The following ZSWIM6 variants were observed in gnomAD, a reference collection of about 807,000 sequenced individuals.
ZSWIM6 encodes the protein zinc finger SWIM domain-containing protein 6.
In ZSWIM6, 9 loss-of-function variants were observed where a neutral mutation model predicts 113.2. That is an observed-to-expected ratio of 0.08 (90% CI 0.05 to 0.14). The LOEUF is 0.14. Among genes scored for constraint, ZSWIM6 ranks in the 10% least tolerant of loss-of-function variants. ZSWIM6 has a pLI of 1.00. For synonymous variants in ZSWIM6, 611 were observed against 606.5 expected, an observed-to-expected ratio of 1.01 and a Z score of -0.11; for missense variants, 1,162 against 1,552.2, an observed-to-expected ratio of 0.75 and a Z score of 4.22.
intron 4 of ZSWIM6, among the ~76,000 whole-genome samples, chr5:61,510,034 C>T (rs995572366): frequency 2.0e-5 from 3 of 151,782 alleles, no homozygotes; most frequent in African/African-American, 4.8e-5. Context: ...GTCTAAACAA[C>T]CCGATGAGGT....
intron 1 of ZSWIM6, among the ~76,000 whole-genome samples, chr5:61,336,318 G>A (rs574812287): frequency 1.3e-5 from 2 of 152,256 alleles, no homozygotes; most frequent in South Asian, 4.1e-4. Flanking sequence ...CTCTATAGGT[G>A]CTGGTATATA....
At chr5:61,539,087 G>C (rs893459079) in intron 11 of ZSWIM6, 116 bp downstream of exon 11, 1 of 1,190,700 alleles carries the variant, frequency 8.4e-7, no homozygotes, top group Non-Finnish European at 1.1e-6. Flanking sequence ...TAGGTTGAAG[G>C]GATCTTTTTC....
At chr5:61,442,839 A>C (rs563248711) in intron 1 of ZSWIM6, among the ~76,000 whole-genome samples, 1 of 152,342 alleles carries the variant, frequency 6.6e-6, no homozygotes, top group South Asian at 2.1e-4. Flanking sequence ...TGTGCCTTAA[A>C]TTCTATTTAT....
chr5:61,435,735 A>T (rs902080051), intron 1 of ZSWIM6, among the ~76,000 whole-genome samples: 2 of 152,202 alleles, frequency 1.3e-5, no homozygotes, highest in African/African-American at 4.8e-5. Context: ...AAGCTGATTT[A>T]TTATATTTTA....
chr5:61,393,735 CAAAA>C (rs5868274), intron 1 of ZSWIM6, among the ~76,000 whole-genome samples: 2 of 139,722 alleles, frequency 1.4e-5, no homozygotes, highest in African/African-American at 2.7e-5. Flanking sequence ...GAAACTATCT[CAAAA>C]AAAAAAAAAA....
chr5:61,510,348 G>GT (rs1748747612), intron 4 of ZSWIM6, among the ~76,000 whole-genome samples: 1 of 151,882 alleles, frequency 6.6e-6, no homozygotes, highest in South Asian at 2.1e-4. Flanking sequence ...TCTGCTTTTG[G>GT]GGGGATGCAG....
At chr5:61,542,069 C>A in intron 13 of ZSWIM6, 104 bp downstream of exon 13, 2 of 1,045,518 alleles carry the variant, frequency 1.9e-6, no homozygotes, top group Non-Finnish European at 1.4e-6. Flanking sequence ...GTTGACTTCT[C>A]CAAGGCTCCT....
chr5:61,480,429 G>A (rs757593620), intron 2 of ZSWIM6, among the ~76,000 whole-genome samples: 8 of 152,074 alleles, frequency 5.3e-5, no homozygotes, highest in Non-Finnish European at 8.8e-5. Flanking sequence ...AGCAGAACCC[G>A]GTGCACATCA....
At chr5:61,362,631 A>G (rs1258370247) in intron 1 of ZSWIM6, among the ~76,000 whole-genome samples, 1 of 152,072 alleles carries the variant, frequency 6.6e-6, no homozygotes, top group Non-Finnish European at 1.5e-5. Flanking sequence ...TCTGCCCTCT[A>G]AATGTTGGTG....
chr5:61,435,570 C>G (rs1445767811), intron 1 of ZSWIM6, among the ~76,000 whole-genome samples: 1 of 152,152 alleles, frequency 6.6e-6, no homozygotes, highest in Non-Finnish European at 1.5e-5. Context: ...GCAGTTGATT[C>G]CTTCTGATAG....
intron 1 of ZSWIM6, among the ~76,000 whole-genome samples, chr5:61,361,891 A>G (rs887875752): frequency 1.8e-4 from 27 of 152,312 alleles, no homozygotes; most frequent in African/African-American, 5.3e-4. Flanking sequence ...GACAAGATTC[A>G]CTGTGGTGCA....
chr5:61,386,362 T>A (rs1379807146), intron 1 of ZSWIM6, among the ~76,000 whole-genome samples: 1 of 152,232 alleles, frequency 6.6e-6, no homozygotes, highest in African/African-American at 2.4e-5. Context: ...TTCCTTTAAT[T>A]GGGCTGTGGC....
chr5:61,346,007 C>T (rs1395945271), intron 1 of ZSWIM6, among the ~76,000 whole-genome samples: 1 of 152,166 alleles, frequency 6.6e-6, no homozygotes, highest in African/African-American at 2.4e-5. Flanking sequence ...TGCAGTGGCG[C>T]GATCTCAGCT....
intron 2 of ZSWIM6, among the ~76,000 whole-genome samples, chr5:61,478,811 C>T (rs1027067244): frequency 7.9e-5 from 12 of 152,000 alleles, no homozygotes; most frequent in African/African-American, 2.7e-4. Flanking sequence ...GTAAGTACTG[C>T]TGAACTTCCC....
intron 4 of ZSWIM6, among the ~76,000 whole-genome samples, chr5:61,494,879 A>C (rs1748277006): frequency 2.0e-5 from 3 of 152,142 alleles, no homozygotes; most frequent in Admixed American, 2.0e-4. Flanking sequence ...GAATGGAAAA[A>C]TACAGCAAAT....
intron 1 of ZSWIM6, among the ~76,000 whole-genome samples, chr5:61,445,269 C>A (rs1746926900): frequency 6.6e-6 from 1 of 152,118 alleles, no homozygotes; most frequent in Admixed American, 6.6e-5. Flanking sequence ...CTTGGAAATT[C>A]AGTATGAAGA....
rs146770386 is a variant in ZSWIM6, at chr5:61,342,313, A to G, written c.676+9365A>G. Among the ~76,000 whole-genome samples, 6 of 152,314 alleles carry G rather than the reference A, an allele frequency of 3.9e-5. No individual in the cohort carries two copies. In the East Asian group the frequency reaches 1.2e-3, roughly 29 times the overall value. On this transcript the variant is annotated intron_variant, in intron 1 of 13. Transcript: ENST00000252744. Reference sequence around the variant, plus strand: ...AACAACTAACATTTCATAGCACTTAACCAGGTGCCAAATACTGCCCTGGAA... The same window carrying G: ...AACAACTAACATTTCATAGCACTTAGCCAGGTGCCAAATACTGCCCTGGAA...
intron 1 of ZSWIM6, among the ~76,000 whole-genome samples, chr5:61,392,040 C>T (rs946106087): frequency 6.6e-6 from 1 of 152,178 alleles, no homozygotes. Flanking sequence ...CGTGTTTTGA[C>T]ATTGAAAATT....
chr5:61,394,144 T>G (rs1273657379), intron 1 of ZSWIM6, among the ~76,000 whole-genome samples: 1 of 152,230 alleles, frequency 6.6e-6, no homozygotes, highest in East Asian at 1.9e-4. Context: ...GACAAAGCCA[T>G]ATAAATGGAG....
Sources: allele counts gnomAD v4.1 joint callset (sites outside exome capture counted in the v4.1 genomes callset), GRCh38; gene constraint gnomAD v4.1.1; transcripts MANE v1.5; gene names NCBI Gene and HGNC (gene_info 2026-07-23, HGNC 2026-07-21).